The following ADGRE3 variants were observed in gnomAD, a reference collection of about 807,000 sequenced individuals.
ADGRE3 encodes the protein EGF-like module receptor 3.
A neutral mutation model predicts 80.1 loss-of-function variants in ADGRE3; 88 were observed. That is an observed-to-expected ratio of 1.10 (90% CI 0.93 to 1.31). The LOEUF (loss-of-function observed/expected upper bound fraction) is 1.31, where lower values mean the gene tolerates loss of function less well. Among genes scored for constraint, ADGRE3 ranks in the 40% most tolerant of loss-of-function variants. The probability of loss-of-function intolerance (pLI) is 0.00; values close to 1 mark genes in which losing one functional copy is unlikely to be tolerated. For missense variants in ADGRE3, 715 were observed against 776.5 expected (o/e 0.92, Z 0.94); for synonymous variants, 281 against 294.8 (o/e 0.95, Z 0.48).
At chr19:14,651,308 A>T (rs1599637144) in intron 6 of ADGRE3, 104 bp from the exon 7 acceptor site, 1 of 1,277,104 alleles carries the variant, frequency 7.8e-7, no homozygotes, top group South Asian at 1.3e-5. Flanking sequence ...CCAACTACTC[A>T]AGAGGCTGAG....
chr19:14,661,093 C>T (rs1971935057), intron 4 of ADGRE3, among the ~76,000 whole-genome samples: 1 of 152,018 alleles, frequency 6.6e-6, no homozygotes, highest in Non-Finnish European at 1.5e-5. Context: ...AGGCACCCGC[C>T]ACCACACCCA....
the ADGRE3 span, among the ~76,000 whole-genome samples, chr19:14,606,594 C>T: frequency 1.1e-4 from 17 of 150,662 alleles, 1 homozygote; most frequent in Admixed American, 2.7e-4. Flanking sequence ...GCGGGAGAAT[C>T]GCTTGAACCC....
chr19:14,669,520 T>C (rs1051472206), intron 1 of ADGRE3, among the ~76,000 whole-genome samples: 17 of 152,170 alleles, frequency 1.1e-4, no homozygotes, highest in African/African-American at 3.9e-4. Flanking sequence ...ACAGAGTCTC[T>C]TTCTGTCACT....
intron 4 of ADGRE3, among the ~76,000 whole-genome samples, chr19:14,660,766 A>ATCTCTCCC (rs1971925673): frequency 6.6e-6 from 1 of 151,778 alleles, no homozygotes; most frequent in Non-Finnish European, 1.5e-5. Flanking sequence ...ATGACACAGT[A>ATCTCTCCC]TCTCTCCCTG....
chr19:14,647,736 T>C (rs1033530336), intron 7 of ADGRE3, among the ~76,000 whole-genome samples: 1 of 150,558 alleles, frequency 6.6e-6, no homozygotes, highest in Non-Finnish European at 1.5e-5. Context: ...TTTAGAAGAG[T>C]TGTTCTCAGA....
chr19:14,610,222 A>G, the ADGRE3 span: 740 of 1,548,850 alleles, frequency 4.8e-4, 1 homozygote, highest in Middle Eastern at 1.7e-3. Context: ...CTGGGGGTCC[A>G]TATCTGAGTG....
At chr19:14,624,198 G>A (rs1599602278) in intron 15 of ADGRE3, among the ~76,000 whole-genome samples, 1 of 151,420 alleles carries the variant, frequency 6.6e-6, no homozygotes, top group Admixed American at 6.6e-5. Flanking sequence ...GGATTCAAGC[G>A]ATTCTTCTGC....
chr19:14,656,070 G>T (rs2146879780), intron 5 of ADGRE3, among the ~76,000 whole-genome samples: 1 of 152,164 alleles, frequency 6.6e-6, no homozygotes, highest in South Asian at 2.1e-4. Context: ...AGAGGGCAGG[G>T]TGCGGTGGCT....
intron 10 of ADGRE3, among the ~76,000 whole-genome samples, chr19:14,639,836 T>C (rs966809471): frequency 6.6e-5 from 10 of 152,094 alleles, no homozygotes; most frequent in African/African-American, 2.4e-4. Flanking sequence ...TTTTGGGGGG[T>C]GAGAACACTT....
chr19:14,639,090 C>G (rs1044809869), intron 10 of ADGRE3, among the ~76,000 whole-genome samples: 2 of 151,946 alleles, frequency 1.3e-5, no homozygotes, highest in African/African-American at 4.8e-5. Context: ...CGGGGTCTCA[C>G]TGTGTTGCCC....
chr19:14,606,586 G>A, the ADGRE3 span, among the ~76,000 whole-genome samples: 3 of 151,280 alleles, frequency 2.0e-5, no homozygotes, highest in Admixed American at 1.3e-4. Context: ...AGGTTGAGGC[G>A]GGAGAATCGC....
In ADGRE3 at chr19:14,624,889, G is replaced by T. The variant is rs114064911; in HGVS notation, c.1920+603C>A. ...TGAACAATGAGAGCTCATGGACACA[G>T]GGAGGGGAACAACACTCACTGGGGC... On this transcript the variant is annotated intron_variant, in intron 15 of 15. Coordinates refer to ENST00000253673, the MANE Select transcript of ADGRE3 (RefSeq NM_032571.5). Among the ~76,000 whole-genome samples, 909 of 152,230 alleles carry T rather than the reference G, an allele frequency of 6.0e-3. 10 individuals carry two copies. Among genetic ancestry groups the T allele is most frequent in the African/African-American group, 0.021 (879 of 41,540 alleles).
downstream of ADGRE3, among the ~76,000 whole-genome samples, chr19:14,617,172 A>G (rs1599593694): frequency 6.6e-6 from 1 of 151,608 alleles, no homozygotes; most frequent in Admixed American, 6.6e-5. Context: ...TTAAGGGGAG[A>G]CTTTTTGGAT....
At chr19:14,646,061 T>C (rs1971390261) in intron 8 of ADGRE3, among the ~76,000 whole-genome samples, 1 of 152,240 alleles carries the variant, frequency 6.6e-6, no homozygotes, top group Non-Finnish European at 1.5e-5. Flanking sequence ...AATATATCAG[T>C]ATAAATTAAT....
intron 2 of ADGRE3, among the ~76,000 whole-genome samples, chr19:14,665,165 G>A (rs998553659): frequency 6.8e-6 from 1 of 147,344 alleles, no homozygotes; most frequent in Non-Finnish European, 1.5e-5. Context: ...CTGGGTTCAT[G>A]CCATTCTCCT....
At chr19:14,668,564 T>C (rs1053892409) in intron 2 of ADGRE3, 2 of 535,816 alleles carry the variant, frequency 3.7e-6, no homozygotes, top group Non-Finnish European at 3.3e-6. Flanking sequence ...ATCTCCACTT[T>C]GTACTCACTG....
intron 15 of ADGRE3, among the ~76,000 whole-genome samples, chr19:14,620,462 A>ATC (rs1970522969): frequency 7.4e-6 from 1 of 134,816 alleles, no homozygotes; most frequent in Non-Finnish European, 1.6e-5. Context: ...ATATGAATAT[A>ATC]TGAATATATT....
the ADGRE3 span, chr19:14,610,098 G>A: frequency 5.4e-5 from 87 of 1,612,956 alleles, no homozygotes; most frequent in Non-Finnish European, 7.2e-5. Flanking sequence ...TAACATCCAC[G>A]ATGAGGACTG....
chr19:14,607,550 A>T, the ADGRE3 span, among the ~76,000 whole-genome samples: 6,778 of 141,488 alleles, frequency 0.048, 572 homozygotes, highest in African/African-American at 0.17. Flanking sequence ...ATTTTATTTT[A>T]TTATTTATTT....
Sources: gnomAD v4.1 joint callset for allele counts (sites outside exome capture counted in the v4.1 genomes callset) on GRCh38, gnomAD v4.1.1 for gene constraint, MANE v1.5 for transcripts, NCBI Gene and HGNC (gene_info 2026-07-23, HGNC 2026-07-21) for gene names.